Variants in MLYCD observed in about 807,000 individuals in gnomAD.
The protein encoded by MLYCD is malonyl-CoA decarboxylase.
A neutral mutation model predicts 35.8 loss-of-function variants in MLYCD; 27 were observed. The observed-to-expected ratio is 0.75, with a 90% confidence interval of 0.56 to 1.04. MLYCD has a LOEUF of 1.04. Ranked by LOEUF, MLYCD falls within the 50% of genes least tolerant of loss-of-function variation. The pLI is 0.00. For synonymous variants in MLYCD, 403 were observed against 302.4 expected (o/e 1.33, Z -3.45); for missense variants, 917 against 665.1 (o/e 1.38, Z -4.17).
intron 3 of MLYCD, among the ~76,000 whole-genome samples, chr16:83,908,859 A>G (rs142158292): frequency 6.6e-6 from 1 of 152,176 alleles, no homozygotes; most frequent in Admixed American, 6.5e-5. Flanking sequence ...CAGGGAGCAC[A>G]TTGCAGGGTC....
Position 83,917,119 on chromosome 16 carries a change from C to T in MLYCD, c.*1630C>T, listed in dbSNP as rs1907439367. ...CTGTGGATCAGTGCACGTCTGTGTG[C>T]GTGTGCACGAGCGTTCTATGTGGAT... On this transcript the variant is annotated 3_prime_UTR_variant, in exon 5 of 5. Coordinates refer to ENST00000262430, the MANE Select transcript of MLYCD (RefSeq NM_012213.3). 1 of 37,762 alleles carries T rather than the reference C, an allele frequency of 2.6e-5. No individual in the cohort carries two copies. The highest frequency in any genetic ancestry group is 3.8e-4 in the Admixed American group (1 of 2,654). The allele number at this position is 37,762 out of a possible 1,614,324, so 2.3% of individuals were successfully genotyped here.
intron 1 of MLYCD, among the ~76,000 whole-genome samples, chr16:83,900,500 G>C (rs563211606): frequency 4.6e-5 from 7 of 151,392 alleles, no homozygotes; most frequent in Admixed American, 3.3e-4. Context: ...CTGCAGCCTC[G>C]ACTTCCCCAG....
rs74439042 is a variant in MLYCD, at chr16:83,904,977, T to C, written c.529-2010T>C. 3.4e-3 allele frequency among the ~76,000 whole-genome samples: 517 copies of C among 152,332 alleles called. 2 individuals are homozygous for C. Among genetic ancestry groups the C allele is most frequent in the African/African-American group, 0.012 (497 of 41,568 alleles). On this transcript the variant is annotated intron_variant, in intron 1 of 4. Coordinates refer to ENST00000262430, the MANE Select transcript of MLYCD (RefSeq NM_012213.3). Reference sequence around the variant, plus strand: ...TCTTTCGTGCCCTAGTGCTTAAACATGTAAAAGGAGACCTCATCTCCTTCC... The same window carrying C: ...TCTTTCGTGCCCTAGTGCTTAAACACGTAAAAGGAGACCTCATCTCCTTCC...
In MLYCD at chr16:83,919,927, ACAC is replaced by A. The variant is rs1228044765; in HGVS notation, c.*4439_*4441del. On this transcript the variant is annotated 3_prime_UTR_variant, in exon 5 of 5. Coordinates refer to ENST00000262430, the MANE Select transcript of MLYCD (RefSeq NM_012213.3). ...GTGCACAGGAGAACAGTACACAACA[ACAC>A]ATTCCATGCACAGGAGAACACACGC... 6.6e-6 allele frequency: 1 copy of A among 151,324 alleles called. No homozygotes were observed. The highest frequency in any genetic ancestry group is 1.5e-5 in the Non-Finnish European group (1 of 68,126). The allele number at this position is 151,324 out of a possible 1,614,324, so 9.4% of individuals were successfully genotyped here. A position where few individuals can be genotyped will look rare whatever the true frequency, so the allele number is the denominator to read the frequency against.
intron 4 of MLYCD, chr16:83,913,213 T>G (rs1383901258): frequency 6.6e-6 from 1 of 152,248 alleles, no homozygotes; most frequent in Non-Finnish European, 1.5e-5. Context: ...GCCCTCAGGA[T>G]TCAGCTGGGC....
chr16:83,915,670 G>T lies in MLYCD; in HGVS notation c.*181G>T, dbSNP rs1907358590. ...ACTTCCCTCACCCTGGGCGTGACAT[G>T]CACCCAGTGCAAGACGGTTGTGGGT... On this transcript the variant is annotated 3_prime_UTR_variant, in exon 5 of 5. Coordinates refer to ENST00000262430, the MANE Select transcript of MLYCD (RefSeq NM_012213.3). 1 of 1,489,622 alleles carries T rather than the reference G, an allele frequency of 6.7e-7. No homozygotes were observed. The highest frequency in any genetic ancestry group is 1.4e-5 in the African/African-American group (1 of 71,896). 92.3% of individuals were successfully genotyped at this position (1,489,622 alleles called of 1,614,324 possible). A position where few individuals can be genotyped will look rare whatever the true frequency, so the allele number is the denominator to read the frequency against.
chr16:83,912,083 C>T, intron 3 of MLYCD, 135 bp from the exon 4 acceptor site: 1 of 1,299,414 alleles, frequency 7.7e-7, no homozygotes, highest in Non-Finnish European at 1.1e-6. Context: ...GTAGCCTGAA[C>T]CCCAGCTGGG....
chr16:83,922,653 G>T lies in MLYCD; in HGVS notation c.*7164G>T, dbSNP rs113071630. 2 of 152,250 alleles carry T rather than the reference G, an allele frequency of 1.3e-5. No homozygotes were observed. The highest frequency in any genetic ancestry group is 2.4e-5 in the African/African-American group (1 of 41,458). The allele number at this position is 152,250 out of a possible 1,614,324, so 9.4% of individuals were successfully genotyped here. ...TACCGACCCCACAGCCTGCTGAGAG[G>T]CTCAAAGGAGACGATGTATATAAAG... is the stretch of plus-strand genomic sequence containing the variant. On this transcript the variant is annotated 3_prime_UTR_variant, in exon 5 of 5. Transcript: ENST00000262430.
Position 83,915,520 on chromosome 16 carries a change from G to C in MLYCD, c.*31G>C. 1 of 1,603,712 alleles carries C rather than the reference G, an allele frequency of 6.2e-7. No homozygotes were observed. Among genetic ancestry groups the C allele is most frequent in the Non-Finnish European group, 8.5e-7 (1 of 1,179,520 alleles). On this transcript the variant is annotated 3_prime_UTR_variant, in exon 5 of 5. Coordinates refer to ENST00000262430, the MANE Select transcript of MLYCD (RefSeq NM_012213.3). ...AACCTCTCCTAAAGCACAGGGCCCC[G>C]GCTAAGAAAACGATCATTTTCAGGA...
chr16:83,914,911 T>C (rs778973858), intron 4 of MLYCD, 45 bp from the exon 5 acceptor site: 2 of 1,613,796 alleles, frequency 1.2e-6, no homozygotes, highest in Non-Finnish European at 1.7e-6. Context: ...CCTGCTGAAT[T>C]TGTGTTTTCT....
chr16:83,912,603 A>G (rs1907220066), intron 4 of MLYCD: 5 of 569,754 alleles, frequency 8.8e-6, no homozygotes, highest in Admixed American at 2.8e-5. Context: ...GTTGACTGCA[A>G]GACGCAGTTG....
intron 1 of MLYCD, among the ~76,000 whole-genome samples, chr16:83,902,046 A>G (rs891014731): frequency 6.6e-5 from 10 of 151,414 alleles, no homozygotes; most frequent in African/African-American, 2.2e-4. Flanking sequence ...TGTAACTGTT[A>G]GTAGCTGAAC....
At chr16:83,903,770 A>C (rs966298082) in intron 1 of MLYCD, among the ~76,000 whole-genome samples, 1 of 152,208 alleles carries the variant, frequency 6.6e-6, no homozygotes, top group African/African-American at 2.4e-5. Flanking sequence ...GCCTCTGAAA[A>C]AAAAAATAAG....
rs548091282 is a variant in MLYCD, at chr16:83,917,458, G to T, written c.*1969G>T. 1 of 154,768 alleles carries T rather than the reference G, an allele frequency of 6.5e-6. No individual in the cohort carries two copies. Among genetic ancestry groups the T allele is most frequent in the African/African-American group, 2.4e-5 (1 of 41,670 alleles). The allele number at this position is 154,768 out of a possible 1,614,324, so 9.6% of individuals were successfully genotyped here. On this transcript the variant is annotated 3_prime_UTR_variant, in exon 5 of 5. Coordinates refer to ENST00000262430, the MANE Select transcript of MLYCD (RefSeq NM_012213.3). ...AGTTGCCCTGTCCTCGCTGTCCTCG[G>T]TTTGGCAGACAGGTCCCTCACCTTC...
At chr16:83,903,591 T>G (rs1406326418) in intron 1 of MLYCD, among the ~76,000 whole-genome samples, 1 of 152,162 alleles carries the variant, frequency 6.6e-6, no homozygotes, top group East Asian at 1.9e-4. Context: ...CAGTTTCTCT[T>G]TTAAAAGGAA....
chr16:83,913,407 G>C (rs536433048), intron 4 of MLYCD: 22 of 152,608 alleles, frequency 1.4e-4, no homozygotes, highest in African/African-American at 5.3e-4. Context: ...GGGGAGTTGG[G>C]CCTTAGCCCA....
rs1741549165 is a variant in MLYCD at position 83,918,833 on chromosome 16, CAGG to C, written c.*3347_*3349del. 2 of 146,972 alleles carry C rather than the reference CAGG, an allele frequency of 1.4e-5. No individual in the cohort carries two copies. Among genetic ancestry groups the C allele is most frequent in the Non-Finnish European group, 3.0e-5 (2 of 67,578 alleles). The allele number at this position is 146,972 out of a possible 1,614,324, so 9.1% of individuals were successfully genotyped here. A position where few individuals can be genotyped will look rare whatever the true frequency, so the allele number is the denominator to read the frequency against. The stretch of plus-strand genomic sequence containing the variant: ...GTGCACAGAACACAGACACAGTACA[CAGG>C]AGAACACGCACACACAGTGCACAGA... On this transcript the variant is annotated 3_prime_UTR_variant, in exon 5 of 5. Transcript: ENST00000262430.
rs778079452 is a variant in MLYCD at position 83,906,973 on chromosome 16, C to T, written c.529-14C>T. On this transcript the variant is annotated splice_polypyrimidine_tract_variant and intron_variant, in intron 1 of 4. Transcript: ENST00000262430. The stretch of plus-strand genomic sequence containing the variant: ...CGCACATTGGAGGCCTGGGATTTAT[C>T]TTCTCCTTTTCAGGAAATGAATGGG... 2 of 1,610,456 alleles carry T rather than the reference C, an allele frequency of 1.2e-6. No individual in the cohort carries two copies. The highest frequency in any genetic ancestry group is 4.5e-5 in the East Asian group (2 of 44,854).
chr16:83,911,153 T>G (rs868042258), intron 3 of MLYCD, among the ~76,000 whole-genome samples: 10 of 152,232 alleles, frequency 6.6e-5, no homozygotes, highest in South Asian at 2.1e-4. Context: ...ATTTTTTTTG[T>G]ATTTTTAGTA....
Sources: allele counts gnomAD v4.1 joint callset (sites outside exome capture counted in the v4.1 genomes callset), GRCh38; gene constraint gnomAD v4.1.1; transcripts MANE v1.5; gene names NCBI Gene and HGNC (gene_info 2026-07-23, HGNC 2026-07-21).